The following MFSD1 variants were observed in gnomAD, a reference collection of about 807,000 sequenced individuals.
MFSD1 encodes the protein lysosomal dipeptide transporter MFSD1.
A neutral mutation model predicts 67.1 loss-of-function variants in MFSD1; 59 were observed. That is an observed-to-expected ratio of 0.88 (90% CI 0.71 to 1.09). MFSD1 has a LOEUF of 1.09. MFSD1 is among the 50% of genes least tolerant of loss of function. The probability of loss-of-function intolerance (pLI) is 0.00; values close to 1 mark genes in which losing one functional copy is unlikely to be tolerated. For missense variants in MFSD1, 552 were observed against 566.1 expected (o/e 0.97, Z 0.25); for synonymous variants, 213 against 200.3 (o/e 1.06, Z -0.54).
At chr3:158,824,304 G>A in intron 13 of MFSD1, 68 bp downstream of exon 13, 1 of 1,122,112 alleles carries the variant, frequency 8.9e-7, no homozygotes, top group Admixed American at 2.1e-5. Context: ...TTTTTACTTA[G>A]GCATAGCTCC....
At chr3:158,827,124 C>T (rs927679534) in intron 14 of MFSD1, among the ~76,000 whole-genome samples, 156 bp from the exon 15 acceptor site, 1 of 152,088 alleles carries the variant, frequency 6.6e-6, no homozygotes, top group Admixed American at 6.5e-5. Context: ...GGGAAGGTTC[C>T]AGTAGATAAA....
At chr3:158,827,005 A>G (rs542368359) in intron 14 of MFSD1, among the ~76,000 whole-genome samples, 1 of 152,194 alleles carries the variant, frequency 6.6e-6, no homozygotes, top group Non-Finnish European at 1.5e-5. Flanking sequence ...ATATTAATAC[A>G]GTGTCCTAAG....
intron 15 of MFSD1, 65 bp downstream of exon 15, chr3:158,827,402 C>A (rs1576918611): frequency 2.7e-5 from 23 of 838,034 alleles, no homozygotes; most frequent in Non-Finnish European, 3.6e-5. Flanking sequence ...CATTTCGTTT[C>A]AAGGTTTGGG....
intron 6 of MFSD1, among the ~76,000 whole-genome samples, chr3:158,813,541 A>G (rs1730149042): frequency 1.3e-5 from 2 of 152,226 alleles, no homozygotes; most frequent in Admixed American, 6.5e-5. Context: ...TGAATGAAGA[A>G]TCATCTATTA....
At chr3:158,820,546 C>T (rs1430554147) in intron 9 of MFSD1, among the ~76,000 whole-genome samples, 4 of 152,088 alleles carry the variant, frequency 2.6e-5, no homozygotes, top group Non-Finnish European at 5.9e-5. Flanking sequence ...CTGTATTACT[C>T]CACTCTCATG....
intron 12 of MFSD1, 103 bp downstream of exon 12, chr3:158,823,628 G>C: frequency 1.1e-6 from 1 of 889,180 alleles, no homozygotes; most frequent in Non-Finnish European, 1.9e-6. Flanking sequence ...CAGCCTCTGG[G>C]GTAGCGCTGA....
chr3:158,825,020 G>A (rs6785502), intron 13 of MFSD1, among the ~76,000 whole-genome samples: 61,123 of 151,994 alleles, frequency 0.4, 12,365 homozygotes, highest in Middle Eastern at 0.54. Flanking sequence ...AAGAATTTCA[G>A]ACATTAAATC....
intron 11 of MFSD1, chr3:158,822,655 A>G (rs1192272129): frequency 6.5e-6 from 1 of 153,618 alleles, no homozygotes; most frequent in African/African-American, 2.4e-5. Context: ...TATCTGGAAC[A>G]TAAATATTTG....
At chr3:158,815,060 C>T (rs559222729) in intron 7 of MFSD1, among the ~76,000 whole-genome samples, 5 of 152,246 alleles carry the variant, frequency 3.3e-5, no homozygotes, top group Admixed American at 6.5e-5. Context: ...CCAGCCTGGA[C>T]GGCAAGAGCA....
chr3:158,815,837 T>C (rs1730302816), intron 7 of MFSD1, among the ~76,000 whole-genome samples: 1 of 149,162 alleles, frequency 6.7e-6, no homozygotes, highest in Non-Finnish European at 1.5e-5. Flanking sequence ...CAGAGTGTGA[T>C]GTTCCCCTTC....
chr3:158,813,784 T>C (rs1367406599), intron 6 of MFSD1, among the ~76,000 whole-genome samples, 181 bp from the exon 7 acceptor site: 3 of 151,266 alleles, frequency 2.0e-5, no homozygotes, highest in Non-Finnish European at 4.4e-5. Context: ...TTTTTTCTGC[T>C]GTCGTAACTA....
chr3:158,822,156 G>A lies in MFSD1; in HGVS notation c.1077+16G>A. The A allele has an allele frequency of 1.9e-6, 3 of 1,596,002 alleles. No individual in the cohort carries two copies. The South Asian group carries it at 3.4e-5, about 18-fold the overall frequency. ...GATTGCTATGGTAACGTCTGTGTTAGCCCATGGTGGGGTCAGGGCTTCAGC... is the reference window on the plus strand; with the variant it reads ...GATTGCTATGGTAACGTCTGTGTTAACCCATGGTGGGGTCAGGGCTTCAGC... On this transcript the variant is annotated intron_variant, in intron 11 of 15. Coordinates refer to ENST00000415822, the MANE Select transcript of MFSD1 (RefSeq NM_022736.4).
At chr3:158,808,666 C>T (rs186803589) in intron 5 of MFSD1, among the ~76,000 whole-genome samples, 1 of 152,140 alleles carries the variant, frequency 6.6e-6, no homozygotes, top group East Asian at 1.9e-4. Flanking sequence ...ATAAAACTAC[C>T]ATTTCATTAT....
intron 7 of MFSD1, among the ~76,000 whole-genome samples, chr3:158,818,006 T>TG (rs1409084083): frequency 6.6e-6 from 1 of 152,198 alleles, no homozygotes; most frequent in East Asian, 1.9e-4. Flanking sequence ...CTCTTAGCTA[T>TG]GGCTCCATGG....
chr3:158,812,109 T>A (rs1366444290), intron 6 of MFSD1, among the ~76,000 whole-genome samples: 1 of 152,064 alleles, frequency 6.6e-6, no homozygotes, highest in East Asian at 1.9e-4. Context: ...AGCTAAGACA[T>A]GAATACTAAG....
At chr3:158,805,826 A>G (rs1277883118) in intron 3 of MFSD1, among the ~76,000 whole-genome samples, 2 of 152,118 alleles carry the variant, frequency 1.3e-5, no homozygotes, top group Non-Finnish European at 1.5e-5. Context: ...CAGTTCTCTC[A>G]TTGCCAAAAT....
At chr3:158,824,874 C>T (rs1730881399) in intron 13 of MFSD1, among the ~76,000 whole-genome samples, 1 of 152,026 alleles carries the variant, frequency 6.6e-6, no homozygotes, top group South Asian at 2.1e-4. Flanking sequence ...ACCATCCATA[C>T]CTGAAGTGTG....
At chr3:158,819,803 A>C (rs1730581005) in intron 8 of MFSD1, 56 bp downstream of exon 8, 1 of 1,000,946 alleles carries the variant, frequency 1.0e-6, no homozygotes, top group African/African-American at 1.6e-5. Flanking sequence ...GTGAGATTTT[A>C]TAATGAGATC....
At chr3:158,811,643 T>G (rs923788342) in intron 6 of MFSD1, among the ~76,000 whole-genome samples, 9 of 152,202 alleles carry the variant, frequency 5.9e-5, no homozygotes, top group Non-Finnish European at 1.0e-4. Context: ...TGTGGTATCC[T>G]GAAACCCAAG....
Sources: gnomAD v4.1 joint callset for allele counts (sites outside exome capture counted in the v4.1 genomes callset) on GRCh38, gnomAD v4.1.1 for gene constraint, MANE v1.5 for transcripts, NCBI Gene and HGNC (gene_info 2026-07-23, HGNC 2026-07-21) for gene names.